The following CXCL11 variants were observed in gnomAD, a reference collection of about 807,000 sequenced individuals.
CXCL11 encodes C-X-C motif chemokine ligand 11.
CXCL11 carries 7 observed loss-of-function variants against 9.7 expected under a neutral mutation model. The observed-to-expected ratio is 0.72, with a 90% CI of 0.41 to 1.36. The LOEUF (loss-of-function observed/expected upper bound fraction) is 1.36. CXCL11 is among the 40% of genes most tolerant of loss of function. The pLI is 0.01. For synonymous variants in CXCL11, 35 were observed against 34.4 expected (o/e 1.02, Z -0.06); for missense variants, 107 against 113.4 (o/e 0.94, Z 0.26).
At position 76,035,974 on chromosome 4, in the gene CXCL11, C is replaced by A. The variant is rs763762627; in HGVS notation, c.14G>T (p.Gly5Val). The change falls in exon 1 of 4, where the codon GGC becomes GTC. Residue 5 changes from glycine (G) to valine (V), a missense_variant. Physicochemically the swap from Gly to Val is moderately radical, Grantham distance 109 (BLOSUM62 -3). Transcript: ENST00000306621. MSVK[G>V]MAIALAVILC... ...TATCACAGCCAAGGCTATAGCCATG[C>A]CCTTCACACTCATGTTTGTTTTTTG... The A allele has an allele frequency of 6.2e-6, 10 of 1,613,828 alleles. No homozygotes were observed. In the South Asian group the frequency reaches 1.1e-4, roughly 18 times the overall value.
Position 76,034,776 on chromosome 4 carries a change from CAT to C in CXCL11, c.*15_*16del. ...TTTCAGATGCTCTTTTCCAGGACTT[CAT>C]ATGTTTTGATATTTTTAAAAATTCT... On this transcript the variant is annotated 3_prime_UTR_variant, in exon 4 of 4. Transcript: ENST00000306621. The C allele has an allele frequency of 6.6e-7, 1 of 1,509,572 alleles. No individual in the cohort carries two copies. The highest frequency in any genetic ancestry group is 9.2e-7 in the Non-Finnish European group (1 of 1,092,142). 93.5% of individuals were successfully genotyped at this position (1,509,572 alleles called of 1,614,324 possible). A position where few individuals can be genotyped will look rare whatever the true frequency, so the allele number is the denominator to read the frequency against.
chr4:76,035,272 A>G lies in CXCL11; in HGVS notation c.132T>C (p.Asp44=), dbSNP rs761936367. The change falls in exon 2 of 4, where the codon GAT becomes GAC. Residue 44 remains aspartate, a synonymous_variant. Coordinates refer to ENST00000306621, the MANE Select transcript of CXCL11 (RefSeq NM_005409.5). ...GPGVKAVKVA[D]IEKASIMYPS... ...GGTACATTATGGAGGCTTTCTCAAT[A>G]TCTGCCACTTTCACTGCTTTTACCC... 9 of 1,614,074 alleles carry G rather than the reference A, an allele frequency of 5.6e-6. No individual in the cohort carries two copies. Among genetic ancestry groups the G allele is most frequent in the Non-Finnish European group, 7.6e-6 (9 of 1,179,940 alleles).
At position 76,034,686 on chromosome 4, in the gene CXCL11, A is replaced by G; in HGVS notation, c.*107T>C. The stretch of plus-strand genomic sequence containing the variant: ...GTTGAAAGTCACAAAACCATAGAAA[A>G]GTCTCAGTTTCCTACTGTAGAATTC... On this transcript the variant is annotated 3_prime_UTR_variant, in exon 4 of 4. Transcript: ENST00000306621. 1 of 884,400 alleles carries G rather than the reference A, an allele frequency of 1.1e-6. No individual in the cohort carries two copies. Among genetic ancestry groups the G allele is most frequent in the Non-Finnish European group, 1.8e-6 (1 of 563,126 alleles). 54.8% of individuals were successfully genotyped at this position (884,400 alleles called of 1,614,324 possible). A position where few individuals can be genotyped will look rare whatever the true frequency, so the allele number is the denominator to read the frequency against.
intron 1 of CXCL11, 145 bp from the exon 2 acceptor site, chr4:76,035,487 G>T: frequency 1.4e-6 from 1 of 722,546 alleles, no homozygotes; most frequent in Non-Finnish European, 2.2e-6. Context: ...ACTGTTACTG[G>T]GAAAAGTTAA....
Position 76,034,297 on chromosome 4 carries a change from A to G in CXCL11, c.*496T>C, listed in dbSNP as rs1734139980. 2.5e-6 allele frequency: 1 copy of G among 397,694 alleles called. No homozygotes were observed. The highest frequency in any genetic ancestry group is 3.6e-5 in the East Asian group (1 of 27,970). The allele number at this position is 397,694 out of a possible 1,614,324, so 24.6% of individuals were successfully genotyped here. On this transcript the variant is annotated 3_prime_UTR_variant, in exon 4 of 4. Transcript: ENST00000306621. ...TTTTGACTTATAAGGGCTTGACTCC[A>G]GTAATAATGTCAATGTCTCCACCGT...
At chr4:76,035,490 A>G (rs1734302329) in intron 1 of CXCL11, 148 bp from the exon 2 acceptor site, 1 of 704,298 alleles carries the variant, frequency 1.4e-6, no homozygotes, top group Non-Finnish European at 2.3e-6. Flanking sequence ...GTTACTGGGA[A>G]AAGTTAAGTA....
In CXCL11 at chr4:76,033,916, G is replaced by A. The variant is rs4583787; in HGVS notation, c.*877C>T. 93,094 of 152,146 alleles carry A rather than the reference G, an allele frequency of 0.61. 29,548 individuals are homozygous for A. Among genetic ancestry groups the A allele is most frequent in the East Asian group, 0.94 (4,874 of 5,194 alleles). 9.4% of individuals were successfully genotyped at this position (152,146 alleles called of 1,614,324 possible). ...GTAGACAAAAACATTTTGTATTTCA[G>A]ATGTGTCCAAGATATTGCTATCATT... On this transcript the variant is annotated 3_prime_UTR_variant, in exon 4 of 4. Coordinates refer to ENST00000306621, the MANE Select transcript of CXCL11 (RefSeq NM_005409.5).
intron 1 of CXCL11, 87 bp downstream of exon 1, chr4:76,035,840 A>AGG (rs1340057283): frequency 8.3e-7 from 1 of 1,203,052 alleles, no homozygotes; most frequent in Non-Finnish European, 1.2e-6. Flanking sequence ...AAACTTTATC[A>AGG]TGTCTTTTAG....
In CXCL11 at chr4:76,034,304, A is replaced by G. The variant is rs919741368; in HGVS notation, c.*489T>C. The G allele has an allele frequency of 1.3e-5, 5 of 397,872 alleles. No individual in the cohort carries two copies. The highest frequency in any genetic ancestry group is 8.2e-5 in the African/African-American group (4 of 48,620). The allele number at this position is 397,872 out of a possible 1,614,324, so 24.6% of individuals were successfully genotyped here. A position where few individuals can be genotyped will look rare whatever the true frequency, so the allele number is the denominator to read the frequency against. On this transcript the variant is annotated 3_prime_UTR_variant, in exon 4 of 4. Transcript: ENST00000306621. ...TTATAAGGGCTTGACTCCAGTAATA[A>G]TGTCAATGTCTCCACCGTAACCACA...
rs892045545 is a variant in CXCL11 at position 76,034,213 on chromosome 4, A to G, written c.*580T>C. The G allele has an allele frequency of 7.9e-6, 3 of 380,616 alleles. No homozygotes were observed. The highest frequency in any genetic ancestry group is 6.2e-5 in the African/African-American group (3 of 48,276). The allele number at this position is 380,616 out of a possible 1,614,324, so 23.6% of individuals were successfully genotyped here. A position where few individuals can be genotyped will look rare whatever the true frequency, so the allele number is the denominator to read the frequency against. ...TTGATGTGCTACATGATGTTTGGGG[A>G]AAGAAGTGTGTATTTGCATGAAAAA... On this transcript the variant is annotated 3_prime_UTR_variant, in exon 4 of 4. Coordinates refer to ENST00000306621, the MANE Select transcript of CXCL11 (RefSeq NM_005409.5).
chr4:76,034,513 C>T lies in CXCL11; in HGVS notation c.*280G>A, dbSNP rs899972908. On this transcript the variant is annotated 3_prime_UTR_variant, in exon 4 of 4. Transcript: ENST00000306621. ...CTTTGTAAACTCCGATGGTAACCAG[C>T]CTTTCTTAAGGTAGCTTTTCCTAGA... The T allele has an allele frequency of 1.9e-6, 1 of 518,544 alleles. No homozygotes were observed. Among genetic ancestry groups the T allele is most frequent in the Non-Finnish European group, 3.3e-6 (1 of 300,178 alleles). The allele number at this position is 518,544 out of a possible 1,614,324, so 32.1% of individuals were successfully genotyped here. A position where few individuals can be genotyped will look rare whatever the true frequency, so the allele number is the denominator to read the frequency against.
Position 76,035,912 on chromosome 4 carries a change from A to T in CXCL11, c.61+15T>A. 6.2e-7 allele frequency: 1 copy of T among 1,610,234 alleles called. No individual in the cohort carries two copies. The highest frequency in any genetic ancestry group is 8.5e-7 in the Non-Finnish European group (1 of 1,177,968). ...AAAGGAACTTATAGGTTGAGAAATA[A>T]AAATTACTGCATACCTTGAACAACT... On this transcript the variant is annotated intron_variant, in intron 1 of 3. Coordinates refer to ENST00000306621, the MANE Select transcript of CXCL11 (RefSeq NM_005409.5).
rs1231377466 is a variant in CXCL11 at position 76,033,859 on chromosome 4, T to A, written c.*934A>T. 6.6e-6 allele frequency: 1 copy of A among 152,254 alleles called. No homozygotes were observed. Among genetic ancestry groups the A allele is most frequent in the African/African-American group, 2.4e-5 (1 of 41,470 alleles). 9.4% of individuals were successfully genotyped at this position (152,254 alleles called of 1,614,324 possible). On this transcript the variant is annotated 3_prime_UTR_variant, in exon 4 of 4. Coordinates refer to ENST00000306621, the MANE Select transcript of CXCL11 (RefSeq NM_005409.5). The stretch of plus-strand genomic sequence containing the variant: ...AAAAAGTAAAAGTGATTGCTAGGTA[T>A]ACATTTGCTTATTTTTCAACATTTT...
In CXCL11 at chr4:76,034,271, C is replaced by CT. The variant is rs1484817067; in HGVS notation, c.*521dup. 4.3e-5 allele frequency: 17 copies of CT among 396,062 alleles called. No individual in the cohort carries two copies. The highest frequency in any genetic ancestry group is 7.6e-5 in the Non-Finnish European group (17 of 225,022). The allele number at this position is 396,062 out of a possible 1,614,324, so 24.5% of individuals were successfully genotyped here. A position where few individuals can be genotyped will look rare whatever the true frequency, so the allele number is the denominator to read the frequency against. On this transcript the variant is annotated 3_prime_UTR_variant, in exon 4 of 4. Transcript: ENST00000306621. ...AGGAATGTTTTACGACACATAGATG[C>CT]TTTTGACTTATAAGGGCTTGACTCC...
chr4:76,035,804 T>C, intron 1 of CXCL11, 123 bp downstream of exon 1: 2 of 812,368 alleles, frequency 2.5e-6, no homozygotes. Flanking sequence ...AAAGCTGTAG[T>C]AACTTCTAAT....
rs538051490 is a variant in CXCL11 at position 76,035,779 on chromosome 4, C to T, written c.61+148G>A. The T allele has an allele frequency of 2.4e-5, 16 of 670,186 alleles. No individual in the cohort carries two copies. In the Admixed American group the frequency reaches 4.7e-4, roughly 20 times the overall value. The allele number at this position is 670,186 out of a possible 1,614,324, so 41.5% of individuals were successfully genotyped here. A position where few individuals can be genotyped will look rare whatever the true frequency, so the allele number is the denominator to read the frequency against. ...TCATCTCTAGTATCTTAAACATGTC[C>T]ACCATTTCTGTGCTAAAGCTGTAGT... On this transcript the variant is annotated intron_variant, in intron 1 of 3. Transcript: ENST00000306621.
At chr4:76,035,193 T>C in intron 2 of CXCL11, 23 bp downstream of exon 2, 1 of 1,614,040 alleles carries the variant, frequency 6.2e-7, no homozygotes, top group Non-Finnish European at 8.5e-7. Context: ...ACCATTGTCA[T>C]CTTCAGCAAG....
Position 76,034,831 on chromosome 4 carries a change from C to T in CXCL11, c.262-15G>A. 6.4e-7 allele frequency: 1 copy of T among 1,552,612 alleles called. No individual in the cohort carries two copies. Among genetic ancestry groups the T allele is most frequent in the Non-Finnish European group, 8.9e-7 (1 of 1,128,708 alleles). On this transcript the variant is annotated splice_polypyrimidine_tract_variant and intron_variant, in intron 3 of 3. Coordinates refer to ENST00000306621, the MANE Select transcript of CXCL11 (RefSeq NM_005409.5). ...CTTTCAACTTTCTGGAATAAGAAAACAAGAGTTTTATTTACTTGGGCTGTT... is the reference window on the plus strand; with the variant it reads ...CTTTCAACTTTCTGGAATAAGAAAATAAGAGTTTTATTTACTTGGGCTGTT...
Position 76,034,693 on chromosome 4 carries a change from G to A in CXCL11, c.*100C>T, listed in dbSNP as rs904734397. ...GTCACAAAACCATAGAAAAGTCTCA[G>A]TTTCCTACTGTAGAATTCTTGTCAT... is the stretch of plus-strand genomic sequence containing the variant. On this transcript the variant is annotated 3_prime_UTR_variant, in exon 4 of 4. Transcript: ENST00000306621. The A allele has an allele frequency of 5.3e-6, 5 of 936,244 alleles. No individual in the cohort carries two copies. Among genetic ancestry groups the A allele is most frequent in the East Asian group, 2.6e-5 (1 of 38,414 alleles). The allele number at this position is 936,244 out of a possible 1,614,324, so 58.0% of individuals were successfully genotyped here. A position where few individuals can be genotyped will look rare whatever the true frequency, so the allele number is the denominator to read the frequency against.
Sources: allele counts gnomAD v4.1 joint callset, GRCh38; gene constraint gnomAD v4.1.1; transcripts MANE v1.5; gene names NCBI Gene and HGNC (gene_info 2026-07-23, HGNC 2026-07-21).